The following TSC22D1 variants were observed in gnomAD, a reference collection of about 807,000 sequenced individuals.
TSC22D1 encodes TSC22 domain family protein 1.
Under a neutral mutation model 74.2 loss-of-function variants are expected in TSC22D1, and 9 were observed. The ratio of observed to expected loss-of-function variants is 0.12; its 90% CI spans 0.07 to 0.21. The LOEUF is 0.21. Ranked by LOEUF, TSC22D1 falls within the 10% of genes least tolerant of loss-of-function variation. TSC22D1 has a pLI of 1.00. For missense variants in TSC22D1, 1,427 were observed against 1,304.7 expected, an observed-to-expected ratio of 1.09 and a Z score of -1.44; for synonymous variants, 586 against 492.5, an observed-to-expected ratio of 1.19 and a Z score of -2.51.
At chr13:44,435,679 T>C (rs544884292) in intron 2 of TSC22D1, 23 of 288,604 alleles carry the variant, frequency 8.0e-5, no homozygotes, top group Non-Finnish European at 1.3e-4. Context: ...CCCGGCTCCC[T>C]AGTAAAATAT....
chr13:44,474,852 C>T (rs915294729), intron 1 of TSC22D1, among the ~76,000 whole-genome samples: 1 of 152,048 alleles, frequency 6.6e-6, no homozygotes, highest in African/African-American at 2.4e-5. Flanking sequence ...CAAGAAGCCT[C>T]AGAAATGTAG....
intron 1 of TSC22D1, among the ~76,000 whole-genome samples, chr13:44,496,672 C>T (rs1013515312): frequency 6.6e-5 from 10 of 150,624 alleles, no homozygotes; most frequent in Admixed American, 3.3e-4. Flanking sequence ...GCAACAAAAG[C>T]GAGACTCTGT....
chr13:44,467,238 T>C (rs901582569), intron 1 of TSC22D1, among the ~76,000 whole-genome samples: 3 of 151,992 alleles, frequency 2.0e-5, no homozygotes, highest in East Asian at 3.9e-4. Flanking sequence ...TCACCATATA[T>C]AAAAATTAAC....
At chr13:44,577,258 G>A (rs1884312015), upstream of TSC22D1, 1 of 152,584 alleles carries the variant, frequency 6.6e-6, no homozygotes, top group East Asian at 1.9e-4. Context: ...AGGGGGCTGT[G>A]GTGGTTGTTA....
rs777002122 is a variant in TSC22D1, at chr13:44,434,602, C to A, written c.*24G>T. The A allele has an allele frequency of 6.6e-7, 1 of 1,513,574 alleles. No individual in the cohort carries two copies. Among genetic ancestry groups the A allele is most frequent in the Non-Finnish European group, 8.8e-7 (1 of 1,133,796 alleles). The allele number at this position is 1,513,574 out of a possible 1,614,324, so 93.8% of individuals were successfully genotyped here. A position where few individuals can be genotyped will look rare whatever the true frequency, so the allele number is the denominator to read the frequency against. ...CGTCTGTTCAGTTCACACGCAGCAG[C>A]CAGTTCTGCGGGGGCATAGGCAGCT... On this transcript the variant is annotated 3_prime_UTR_variant, in exon 3 of 3. Transcript: ENST00000458659.
chr13:44,564,354 C>T (rs1042641268), intron 1 of TSC22D1, among the ~76,000 whole-genome samples: 3 of 152,052 alleles, frequency 2.0e-5, no homozygotes, highest in Non-Finnish European at 4.4e-5. Context: ...TAATTACGAA[C>T]TGTAATAAGC....
Position 44,571,153 on chromosome 13 carries a change from T to C in TSC22D1, c.2912+2010A>G, listed in dbSNP as rs948463986. Among the ~76,000 whole-genome samples, 15 of 152,152 alleles carry C rather than the reference T, an allele frequency of 9.9e-5. 1 individual carries two copies. The highest frequency in any genetic ancestry group is 3.6e-4 in the African/African-American group (15 of 41,440). On this transcript the variant is annotated intron_variant, in intron 1 of 2. Coordinates refer to ENST00000458659, the MANE Select transcript of TSC22D1 (RefSeq NM_183422.4). ...TGCTCTTGAGGAACTCCTGGTCTTG[T>C]GGGAGAGACTGCTAAACATAATTAT...
chr13:44,535,318 A>C (rs983771794), intron 1 of TSC22D1, among the ~76,000 whole-genome samples: 1 of 152,126 alleles, frequency 6.6e-6, no homozygotes, highest in Non-Finnish European at 1.5e-5. Context: ...TAATGCAGTA[A>C]TCTAATTACC....
In TSC22D1 at chr13:44,434,456, T is replaced by G; in HGVS notation, c.*170A>C. On this transcript the variant is annotated 3_prime_UTR_variant, in exon 3 of 3. Coordinates refer to ENST00000458659, the MANE Select transcript of TSC22D1 (RefSeq NM_183422.4). Reference sequence around the variant, plus strand: ...CCAACTAAGAAATTTCTCCAAGCCATAAGCATATGAGTGTTTAATACTGGA... The same window carrying G: ...CCAACTAAGAAATTTCTCCAAGCCAGAAGCATATGAGTGTTTAATACTGGA... 7.3e-7 allele frequency: 1 copy of G among 1,363,930 alleles called. No individual in the cohort carries two copies. The highest frequency in any genetic ancestry group is 9.4e-7 in the Non-Finnish European group (1 of 1,066,088). The allele number at this position is 1,363,930 out of a possible 1,614,324, so 84.5% of individuals were successfully genotyped here.
chr13:44,494,708 TACAAAG>T (rs531954140), intron 1 of TSC22D1, among the ~76,000 whole-genome samples: 37 of 152,198 alleles, frequency 2.4e-4, no homozygotes, highest in African/African-American at 8.4e-4. Flanking sequence ...TTCAAAAACT[TACAAAG>T]CATGCAAAGA....
At position 44,517,804 on chromosome 13, in the gene TSC22D1, CATAT is replaced by C. The variant is rs1265349528; in HGVS notation, c.2912+55355_2912+55358del. Among the ~76,000 whole-genome samples, 17 of 44,490 alleles carry C rather than the reference CATAT, an allele frequency of 3.8e-4. No individual in the cohort carries two copies. In the Admixed American group the frequency reaches 4.2e-3, roughly 11 times the overall value. 29.2% of individuals were successfully genotyped at this position (44,490 alleles called of 152,430 possible). ...ACATATATATACATATATATACACA[CATAT>C]ATATGTGTGTGTGTGTGTGTGTATA... On this transcript the variant is annotated intron_variant, in intron 1 of 2. Transcript: ENST00000458659.
intron 1 of TSC22D1, among the ~76,000 whole-genome samples, chr13:44,562,534 A>C (rs1027903409): frequency 2.0e-5 from 3 of 152,174 alleles, no homozygotes; most frequent in African/African-American, 7.2e-5. Context: ...TCACATTTTA[A>C]ATAATTTAAG....
intron 1 of TSC22D1, among the ~76,000 whole-genome samples, chr13:44,446,809 G>GAGGAAGAGGAGA (rs1875699553): frequency 1.4e-5 from 2 of 147,442 alleles, no homozygotes; most frequent in South Asian, 4.4e-4. Context: ...GGAAAAGGAG[G>GAGGAAGAGGAGA]AGGAAGAGGA....
intron 1 of TSC22D1, among the ~76,000 whole-genome samples, chr13:44,551,310 G>GGTGTGT (rs370742852): frequency 0.02 from 2,626 of 132,824 alleles, 69 homozygotes; most frequent in Admixed American, 0.032. Flanking sequence ...ATCAGCTGGG[G>GGTGTGT]GTGTGTGTGT....
chr13:44,522,710 A>G (rs536558074), intron 1 of TSC22D1, among the ~76,000 whole-genome samples: 32 of 152,338 alleles, frequency 2.1e-4, no homozygotes, highest in South Asian at 1.2e-3. Context: ...AGACCTATAC[A>G]TACAATTCAA....
chr13:44,515,764 AATATGTAT>A (rs1879951156), intron 1 of TSC22D1, among the ~76,000 whole-genome samples: 1 of 152,182 alleles, frequency 6.6e-6, no homozygotes, highest in African/African-American at 2.4e-5. Context: ...TAATTGCATG[AATATGTAT>A]ATATCTGAAA....
intron 2 of TSC22D1, among the ~76,000 whole-genome samples, chr13:44,435,500 G>T (rs1342989974): frequency 6.6e-6 from 1 of 152,310 alleles, no homozygotes; most frequent in African/African-American, 2.4e-5. Flanking sequence ...AACAAAGAAC[G>T]GCCAAGGCGG....
intron 1 of TSC22D1, among the ~76,000 whole-genome samples, chr13:44,530,654 C>T (rs1348703200): frequency 1.4e-5 from 2 of 146,250 alleles, no homozygotes; most frequent in Non-Finnish European, 3.0e-5. Context: ...ATCAAGAACT[C>T]TTAAAACTCA....
chr13:44,436,959 G>T, intron 1 of TSC22D1: 1 of 1,010,316 alleles, frequency 9.9e-7, no homozygotes, highest in Non-Finnish European at 1.2e-6. Context: ...AGGTCCTCCC[G>T]CTTCCCTGCT....
Sources: allele counts gnomAD v4.1 joint callset (sites outside exome capture counted in the v4.1 genomes callset), GRCh38; gene constraint gnomAD v4.1.1; transcripts MANE v1.5; gene names NCBI Gene and HGNC (gene_info 2026-07-23, HGNC 2026-07-21).